Variants in GTF2E2 observed in about 807,000 individuals in gnomAD.
GTF2E2 encodes the protein general transcription factor IIE subunit 2.
A neutral mutation model predicts 40.5 loss-of-function variants in GTF2E2; 21 were observed. That is an observed-to-expected ratio of 0.52 (90% CI 0.37 to 0.75). The LOEUF (loss-of-function observed/expected upper bound fraction) is 0.75. GTF2E2 is among the 30% of genes least tolerant of loss of function. The pLI is 0.00. For missense variants in GTF2E2, 298 were observed against 338.4 expected (o/e 0.88, Z 0.94); for synonymous variants, 117 against 121.6 (o/e 0.96, Z 0.25).
At chr8:30,626,827 T>C (rs980828371) in intron 3 of GTF2E2, among the ~76,000 whole-genome samples, 1 of 152,230 alleles carries the variant, frequency 6.6e-6, no homozygotes, top group Admixed American at 6.5e-5. Flanking sequence ...TATTCCATTG[T>C]GCAGCATCTG....
At chr8:30,642,043 A>C (rs1801855824) in intron 2 of GTF2E2, among the ~76,000 whole-genome samples, 1 of 152,218 alleles carries the variant, frequency 6.6e-6, no homozygotes, top group Non-Finnish European at 1.5e-5. Context: ...TCCTAATCCC[A>C]ATTTGAATTT....
intron 6 of GTF2E2, among the ~76,000 whole-genome samples, chr8:30,604,234 A>T (rs1395755417): frequency 2.0e-5 from 3 of 152,176 alleles, no homozygotes; most frequent in African/African-American, 7.2e-5. Flanking sequence ...TCCTAAATAC[A>T]TTAATATTAA....
intron 3 of GTF2E2, 82 bp from the exon 4 acceptor site, chr8:30,614,797 T>C (rs1178584354): frequency 2.7e-6 from 2 of 746,178 alleles, no homozygotes; most frequent in Non-Finnish European, 4.6e-6. Flanking sequence ...AAACAAACCT[T>C]CAGGAATGAA....
intron 6 of GTF2E2, among the ~76,000 whole-genome samples, chr8:30,594,780 C>A (rs1473327812): frequency 6.6e-6 from 1 of 151,428 alleles, no homozygotes; most frequent in Non-Finnish European, 1.5e-5. Flanking sequence ...TCACTTGAAC[C>A]CAGTAGGTGG....
intron 6 of GTF2E2, among the ~76,000 whole-genome samples, chr8:30,596,169 C>T (rs1828999969): frequency 6.6e-6 from 1 of 152,216 alleles, no homozygotes; most frequent in South Asian, 2.1e-4. Flanking sequence ...CTGAGCTTCA[C>T]AGATCTTTGG....
intron 2 of GTF2E2, chr8:30,643,745 T>A (rs1012496599): frequency 1.3e-5 from 2 of 151,900 alleles, no homozygotes; most frequent in Non-Finnish European, 2.9e-5. Context: ...AAAGATTTCT[T>A]CAGAGAGTAA....
At chr8:30,657,170 CA>C (rs996968537) in intron 1 of GTF2E2, among the ~76,000 whole-genome samples, 3 of 152,180 alleles carry the variant, frequency 2.0e-5, no homozygotes, top group African/African-American at 4.8e-5. Context: ...CCTCCTTTTT[CA>C]AAGACTACCC....
At position 30,624,129 on chromosome 8, in the gene GTF2E2, G is replaced by A. The variant is rs572379726; in HGVS notation, c.259-9414C>T. Reference sequence around the variant, plus strand: ...AGTATTGCCTAGGTTTTCTTCTAGGGTTTTTATGGTTTTTGGTCTAACATT... The same window carrying A: ...AGTATTGCCTAGGTTTTCTTCTAGGATTTTTATGGTTTTTGGTCTAACATT... On this transcript the variant is annotated intron_variant, in intron 3 of 7. Transcript: ENST00000355904. Among the ~76,000 whole-genome samples, 202 of 152,176 alleles carry A rather than the reference G, an allele frequency of 1.3e-3. 2 individuals are homozygous for A. Among genetic ancestry groups the A allele is most frequent in the South Asian group, 0.012 (59 of 4,826 alleles).
chr8:30,611,356 A>G (rs1829469653), intron 5 of GTF2E2, among the ~76,000 whole-genome samples: 1 of 152,228 alleles, frequency 6.6e-6, no homozygotes, highest in South Asian at 2.1e-4. Flanking sequence ...GAGACAGTCA[A>G]TGCAGACCAG....
At chr8:30,607,606 C>G (rs1829356773) in intron 5 of GTF2E2, among the ~76,000 whole-genome samples, 1 of 152,126 alleles carries the variant, frequency 6.6e-6, no homozygotes, top group South Asian at 2.1e-4. Context: ...GAGTTTCTTT[C>G]TTGAGTAGTT....
chr8:30,612,189 G>T, intron 5 of GTF2E2, 110 bp downstream of exon 5: 1 of 718,654 alleles, frequency 1.4e-6, no homozygotes, highest in Non-Finnish European at 2.3e-6. Context: ...TAACCCATGT[G>T]TATATAATAG....
intron 6 of GTF2E2, among the ~76,000 whole-genome samples, chr8:30,595,996 GGT>G (rs1828994409): frequency 6.6e-6 from 1 of 152,068 alleles, no homozygotes; most frequent in Non-Finnish European, 1.5e-5. Context: ...GGTCTGCATG[GGT>G]TCTAATAAGA....
At chr8:30,583,779 G>GTATTTATT (rs555607126) in intron 6 of GTF2E2, among the ~76,000 whole-genome samples, 108 of 151,892 alleles carry the variant, frequency 7.1e-4, no homozygotes, top group Middle Eastern at 3.4e-3. Context: ...ATGACGATCA[G>GTATTTATT]TATTTATTTA....
At chr8:30,590,564 A>G (rs1407286546) in intron 6 of GTF2E2, among the ~76,000 whole-genome samples, 2 of 152,070 alleles carry the variant, frequency 1.3e-5, no homozygotes, top group Non-Finnish European at 2.9e-5. Flanking sequence ...TAGAGGAAAA[A>G]CCCCTAACTC....
At chr8:30,656,020 G>A (rs1188250637) in intron 1 of GTF2E2, among the ~76,000 whole-genome samples, 2 of 152,004 alleles carry the variant, frequency 1.3e-5, no homozygotes, top group Non-Finnish European at 2.9e-5. Flanking sequence ...CACCATGTTG[G>A]CCAAGCTGAT....
At chr8:30,638,392 T>C (rs373103004) in intron 2 of GTF2E2, among the ~76,000 whole-genome samples, 2 of 152,090 alleles carry the variant, frequency 1.3e-5, no homozygotes, top group Non-Finnish European at 2.9e-5. Flanking sequence ...AATTCCTATA[T>C]AGGAATTTAG....
chr8:30,634,027 G>A (rs1445650801), intron 3 of GTF2E2, among the ~76,000 whole-genome samples: 2 of 152,138 alleles, frequency 1.3e-5, no homozygotes, highest in Non-Finnish European at 2.9e-5. Context: ...ATATAGTACT[G>A]TCTTTTTCAA....
At chr8:30,608,434 CTT>C (rs1829383950) in intron 5 of GTF2E2, among the ~76,000 whole-genome samples, 1 of 152,160 alleles carries the variant, frequency 6.6e-6, no homozygotes, top group Admixed American at 6.5e-5. Flanking sequence ...CCAAAAATTA[CTT>C]GATACAGAAG....
intron 6 of GTF2E2, 54 bp from the exon 7 acceptor site, chr8:30,580,450 T>C (rs1235355435): frequency 1.0e-6 from 1 of 992,750 alleles, no homozygotes; most frequent in African/African-American, 1.6e-5. Flanking sequence ...AACTATAGCA[T>C]CTTGATCAAA....
Sources: gnomAD v4.1 joint callset for allele counts (sites outside exome capture counted in the v4.1 genomes callset) on GRCh38, gnomAD v4.1.1 for gene constraint, MANE v1.5 for transcripts, NCBI Gene and HGNC (gene_info 2026-07-23, HGNC 2026-07-21) for gene names.